CEP83: variants seen among roughly 807,000 people sequenced by gnomAD.
CEP83 encodes the protein centrosomal protein of 83 kDa.
Under a neutral mutation model 101.9 loss-of-function variants are expected in CEP83, and 70 were observed. That is an observed-to-expected ratio of 0.69 (90% CI 0.57 to 0.84). CEP83 has a LOEUF of 0.84. Ranked by LOEUF, CEP83 falls within the 40% of genes least tolerant of loss-of-function variation. The probability of loss-of-function intolerance (pLI) is 0.00; values close to 1 mark genes in which losing one functional copy is unlikely to be tolerated. For synonymous variants in CEP83, 264 were observed against 267.9 expected (o/e 0.99, Z 0.14); for missense variants, 715 against 787.2 (o/e 0.91, Z 1.10).
intron 4 of CEP83, among the ~76,000 whole-genome samples, chr12:94,409,778 T>A (rs941315481): frequency 1.3e-5 from 2 of 152,172 alleles, no homozygotes; most frequent in Non-Finnish European, 2.9e-5. Context: ...TTCTAGCTTC[T>A]GGAGCACTTA....
chr12:94,318,396 CTTTA>C (rs371704514), intron 14 of CEP83, among the ~76,000 whole-genome samples: 65 of 152,140 alleles, frequency 4.3e-4, no homozygotes, highest in African/African-American at 1.4e-3. Context: ...CTTGGATGCC[CTTTA>C]TTTCTTTCTT....
At chr12:94,376,730 CACATAT>C (rs1422118354) in intron 7 of CEP83, among the ~76,000 whole-genome samples, 4 of 106,788 alleles carry the variant, frequency 3.7e-5, no homozygotes, top group African/African-American at 1.4e-4. Flanking sequence ...CACACACACA[CACATAT>C]ATATATATAT....
chr12:94,328,309 CT>C, intron 14 of CEP83: 3 of 329,910 alleles, frequency 9.1e-6, no homozygotes, highest in Non-Finnish European at 1.2e-5. Context: ...CCTGTTCAAG[CT>C]TTTCCAAACA....
chr12:94,430,040 C>A (rs1162411203), intron 2 of CEP83, among the ~76,000 whole-genome samples: 35 of 152,136 alleles, frequency 2.3e-4, no homozygotes, highest in Admixed American at 2.3e-3. Flanking sequence ...CAGCCAGCAC[C>A]TATACGCACC....
At chr12:94,384,749 A>G (rs2062037832) in intron 6 of CEP83, among the ~76,000 whole-genome samples, 1 of 151,716 alleles carries the variant, frequency 6.6e-6, no homozygotes, top group Non-Finnish European at 1.5e-5. Context: ...TCTTCTCTTT[A>G]TTCTCTGTTT....
chr12:94,360,509 A>G (rs1447140486), intron 11 of CEP83, among the ~76,000 whole-genome samples: 1 of 151,966 alleles, frequency 6.6e-6, no homozygotes, highest in Non-Finnish European at 1.5e-5. Context: ...CTTCTTTATT[A>G]TAATTATAAA....
intron 1 of CEP83, among the ~76,000 whole-genome samples, chr12:94,456,957 G>A (rs2067726764): frequency 6.6e-6 from 1 of 152,132 alleles, no homozygotes; most frequent in Admixed American, 6.5e-5. Flanking sequence ...AAAAGTATAA[G>A]TATCAAATAA....
chr12:94,387,821 G>GA (rs1468530058), intron 6 of CEP83, among the ~76,000 whole-genome samples: 2 of 150,956 alleles, frequency 1.3e-5, no homozygotes, highest in Non-Finnish European at 3.0e-5. Flanking sequence ...CAACAAACAT[G>GA]AAAAAAATGC....
chr12:94,374,673 G>C (rs567115909), intron 8 of CEP83, among the ~76,000 whole-genome samples: 13 of 152,128 alleles, frequency 8.5e-5, no homozygotes, highest in Non-Finnish European at 1.8e-4. Context: ...AATGATATTA[G>C]GTAACTTGCC....
rs151182195 is a variant in CEP83 at position 94,422,506 on chromosome 12, T to G, written c.-101-9915A>C. On this transcript the variant is annotated intron_variant, in intron 2 of 16. Transcript: ENST00000397809. ...TGTGTATGTGGTTATATGCAGCACATGAATGCACACAATTTCATGAGTTCA... is the reference window on the plus strand; with the variant it reads ...TGTGTATGTGGTTATATGCAGCACAGGAATGCACACAATTTCATGAGTTCA... 2.8e-3 allele frequency among the ~76,000 whole-genome samples: 431 copies of G among 152,312 alleles called. 3 individuals carry two copies. The highest frequency in any genetic ancestry group is 9.7e-3 in the African/African-American group (402 of 41,572).
chr12:94,389,580 T>C (rs1261333329), intron 6 of CEP83, among the ~76,000 whole-genome samples: 1 of 152,198 alleles, frequency 6.6e-6, no homozygotes, highest in Non-Finnish European at 1.5e-5. Context: ...GATTTCTGCA[T>C]TTCCAACTGA....
chr12:94,303,693 CTTT>C (rs373777720), downstream of CEP83: 11,153 of 689,116 alleles, frequency 0.016, no homozygotes, highest in East Asian at 0.022. Flanking sequence ...ATTCCTCCAT[CTTT>C]TTTTTTTTTT....
chr12:94,376,797 T>C (rs764026199), intron 7 of CEP83, among the ~76,000 whole-genome samples: 43 of 150,564 alleles, frequency 2.9e-4, no homozygotes, highest in Non-Finnish European at 4.6e-4. Flanking sequence ...TGCAGTGCAA[T>C]GGCACGATCT....
At chr12:94,442,377 G>T (rs561896922) in intron 1 of CEP83, among the ~76,000 whole-genome samples, 1 of 151,798 alleles carries the variant, frequency 6.6e-6, no homozygotes, top group Non-Finnish European at 1.5e-5. Context: ...GAAGGAGGGA[G>T]GGGGGTGAGG....
intron 1 of CEP83, among the ~76,000 whole-genome samples, chr12:94,453,386 T>TTA (rs1329487911): frequency 6.6e-6 from 1 of 152,216 alleles, no homozygotes; most frequent in Non-Finnish European, 1.5e-5. Context: ...ACTTACAAGA[T>TTA]TCTAAAGAGA....
intron 11 of CEP83, among the ~76,000 whole-genome samples, chr12:94,357,079 G>A (rs1465240281): frequency 6.6e-6 from 1 of 152,240 alleles, no homozygotes; most frequent in Non-Finnish European, 1.5e-5. Context: ...GGTTACAGGA[G>A]TCTCTTAAAA....
chr12:94,290,644 T>G, the CEP83 span, among the ~76,000 whole-genome samples: 9,407 of 152,356 alleles, frequency 0.062, 353 homozygotes, highest in Admixed American at 0.09. Flanking sequence ...TGTTCCTCCC[T>G]GTGGGTGTAA....
At chr12:94,455,907 T>C (rs1341674008) in intron 1 of CEP83, among the ~76,000 whole-genome samples, 2 of 151,786 alleles carry the variant, frequency 1.3e-5, no homozygotes, top group East Asian at 3.9e-4. Context: ...AAAAGCCAGG[T>C]GTGGTGGCAT....
intron 1 of CEP83, among the ~76,000 whole-genome samples, chr12:94,446,373 T>C (rs568922187): frequency 4.6e-5 from 7 of 152,348 alleles, no homozygotes; most frequent in African/African-American, 9.6e-5. Context: ...GGTTTCATGA[T>C]ACATCATTTC....
Sources: gnomAD v4.1 joint callset for allele counts (sites outside exome capture counted in the v4.1 genomes callset) on GRCh38, gnomAD v4.1.1 for gene constraint, MANE v1.5 for transcripts, NCBI Gene and HGNC (gene_info 2026-07-23, HGNC 2026-07-21) for gene names.